The following TBC1D9 variants were observed in gnomAD, a reference collection of about 807,000 sequenced individuals.
The protein encoded by TBC1D9 is TBC1 domain family member 9A.
A neutral mutation model predicts 132.0 loss-of-function variants in TBC1D9; 63 were observed. The ratio of observed to expected loss-of-function variants is 0.48; its 90% CI spans 0.39 to 0.59. The LOEUF (loss-of-function observed/expected upper bound fraction) is 0.59. Ranked by LOEUF, TBC1D9 falls within the 20% of genes least tolerant of loss-of-function variation. The pLI is 0.00. For missense variants in TBC1D9, 1,261 were observed against 1,592.7 expected (o/e 0.79, Z 3.54); for synonymous variants, 610 against 609.9 (o/e 1.00, Z 0.00).
intron 16 of TBC1D9, among the ~76,000 whole-genome samples, chr4:140,630,328 C>T (rs550417621): frequency 1.3e-4 from 20 of 152,096 alleles, no homozygotes; most frequent in Middle Eastern, 3.2e-3. Flanking sequence ...TAAAAATTAA[C>T]TCTGATATTG....
chr4:140,629,088 G>A (rs1736754551), intron 16 of TBC1D9, among the ~76,000 whole-genome samples: 1 of 152,168 alleles, frequency 6.6e-6, no homozygotes, highest in Non-Finnish European at 1.5e-5. Context: ...GACCTTACGG[G>A]TTATCTTGTC....
intron 1 of TBC1D9, among the ~76,000 whole-genome samples, chr4:140,720,421 A>G (rs1403558273): frequency 2.0e-5 from 3 of 152,236 alleles, no homozygotes; most frequent in African/African-American, 7.2e-5. Flanking sequence ...AGATTTATTA[A>G]GCCCCTTCTT....
intron 1 of TBC1D9, among the ~76,000 whole-genome samples, chr4:140,728,307 G>A (rs1408357661): frequency 6.6e-6 from 1 of 151,756 alleles, no homozygotes; most frequent in Non-Finnish European, 1.5e-5. Flanking sequence ...AGTCAGGAAT[G>A]TTGGCCATAA....
chr4:140,714,143 C>T (rs994960827), intron 1 of TBC1D9, among the ~76,000 whole-genome samples: 7 of 152,138 alleles, frequency 4.6e-5, no homozygotes, highest in African/African-American at 1.4e-4. Context: ...AAGGCTAAAA[C>T]GTGGCCTAGG....
At position 140,622,784 on chromosome 4, in the gene TBC1D9, A is replaced by G. The variant is rs1254366842; in HGVS notation, c.3212T>C (p.Val1071Ala). ...LEIGEVGKLFVAQPAKEGGSG... is the reference protein window; with the variant it reads ...LEIGEVGKLFAAQPAKEGGSG... ...CCCGCCCTCCTTTGCAGGCTGGGCC[A>G]CGAACAACTTGCCGACCTCCCCAAT... The change falls in exon 21 of 21, where the codon GTG becomes GCG. Residue 1071 changes from valine (V) to alanine (A), a missense_variant. Transcript: ENST00000442267. The G allele has an allele frequency of 6.2e-7, 1 of 1,603,386 alleles. No homozygotes were observed. The highest frequency in any genetic ancestry group is 1.7e-5 in the Admixed American group (1 of 59,806).
intron 2 of TBC1D9, among the ~76,000 whole-genome samples, chr4:140,693,923 A>C (rs746295629): frequency 1.3e-5 from 2 of 152,190 alleles, no homozygotes; most frequent in Admixed American, 6.5e-5. Context: ...TAGGTAACTC[A>C]TTCAGCCTTG....
At chr4:140,629,280 G>A (rs77780415) in intron 16 of TBC1D9, among the ~76,000 whole-genome samples, 4,273 of 152,256 alleles carry the variant, frequency 0.028, 213 homozygotes, top group African/African-American at 0.098. Context: ...CTTAAAACCT[G>A]TAGTCTCAAC....
chr4:140,698,935 C>T (rs562866361), intron 2 of TBC1D9, among the ~76,000 whole-genome samples: 3 of 152,270 alleles, frequency 2.0e-5, no homozygotes, highest in Admixed American at 1.3e-4. Context: ...AACTGTAAGG[C>T]ACTGGTTCAC....
chr4:140,669,880 G>A, intron 7 of TBC1D9, 76 bp from the exon 8 acceptor site: 1 of 1,366,372 alleles, frequency 7.3e-7, no homozygotes. Flanking sequence ...CTTCTGTATG[G>A]TTATCAAAAG....
At chr4:140,644,080 G>A (rs926139827) in intron 13 of TBC1D9, 1 of 414,534 alleles carries the variant, frequency 2.4e-6, no homozygotes, top group Non-Finnish European at 4.6e-6. Context: ...CCATCAGCTG[G>A]GAGCAGCACA....
At chr4:140,720,868 T>C (rs1053728894) in intron 1 of TBC1D9, among the ~76,000 whole-genome samples, 30 of 152,246 alleles carry the variant, frequency 2.0e-4, no homozygotes, top group African/African-American at 7.2e-4. Context: ...GGGAACAACA[T>C]GACCCTTGTA....
At chr4:140,692,545 A>G (rs759943372) in intron 2 of TBC1D9, among the ~76,000 whole-genome samples, 19 of 152,352 alleles carry the variant, frequency 1.2e-4, no homozygotes, top group Non-Finnish European at 2.1e-4. Flanking sequence ...CAGAGAGGGC[A>G]AAAGACAAAA....
chr4:140,661,001 A>G lies in TBC1D9; in HGVS notation c.1803+892T>C, dbSNP rs568653668. Among the ~76,000 whole-genome samples, 10 of 150,660 alleles carry G rather than the reference A, an allele frequency of 6.6e-5. No homozygotes were observed. The South Asian group carries it at 1.1e-3, about 16-fold the overall frequency. ...ATGATCTCAGCTCATTGCAAGCTCC[A>G]CCTCCCGGGTTCAGGCCATTCTCCT... is the stretch of plus-strand genomic sequence containing the variant. On this transcript the variant is annotated intron_variant, in intron 10 of 20. Coordinates refer to ENST00000442267, the MANE Select transcript of TBC1D9 (RefSeq NM_015130.3).
At chr4:140,678,285 T>C (rs17418576) in intron 5 of TBC1D9, among the ~76,000 whole-genome samples, 17,817 of 152,248 alleles carry the variant, frequency 0.12, 1,302 homozygotes, top group Non-Finnish European at 0.16. Context: ...TTAGATGAGC[T>C]ACAGGCACCT....
rs113879724 is a variant in TBC1D9 at position 140,677,892 on chromosome 4, C to A, written c.852-791G>T. On this transcript the variant is annotated intron_variant, in intron 5 of 20. Coordinates refer to ENST00000442267, the MANE Select transcript of TBC1D9 (RefSeq NM_015130.3). Reference sequence around the variant, plus strand: ...TCCATGCTTTCTCTACAAAATATCACTTCTTAAATGATCAACTTTCTTATA... The same window carrying A: ...TCCATGCTTTCTCTACAAAATATCAATTCTTAAATGATCAACTTTCTTATA... Among the ~76,000 whole-genome samples, 5 of 152,260 alleles carry A rather than the reference C, an allele frequency of 3.3e-5. 1 individual carries two copies. The highest frequency in any genetic ancestry group is 1.2e-4 in the African/African-American group (5 of 41,556).
chr4:140,643,048 C>G, intron 13 of TBC1D9: 1 of 1,200,968 alleles, frequency 8.3e-7, no homozygotes, highest in Non-Finnish European at 1.2e-6. Context: ...TACATCCGCT[C>G]CTCCTTCTTG....
At chr4:140,716,000 T>G (rs1336317375) in intron 1 of TBC1D9, 1 of 152,200 alleles carries the variant, frequency 6.6e-6, no homozygotes, top group Non-Finnish European at 1.5e-5. Context: ...GGTTTGACTG[T>G]GCAAAACCAT....
At chr4:140,686,875 G>A (rs888523947) in intron 2 of TBC1D9, among the ~76,000 whole-genome samples, 1 of 152,044 alleles carries the variant, frequency 6.6e-6, no homozygotes, top group East Asian at 1.9e-4. Flanking sequence ...AACAATATGA[G>A]AGCTTTGGTA....
At chr4:140,691,892 A>C (rs1560887328) in intron 2 of TBC1D9, among the ~76,000 whole-genome samples, 2 of 152,236 alleles carry the variant, frequency 1.3e-5, no homozygotes, top group Non-Finnish European at 2.9e-5. Context: ...CATGAAGTCT[A>C]CTTGAAATAA....
Sources: gnomAD v4.1 joint callset for allele counts (sites outside exome capture counted in the v4.1 genomes callset) on GRCh38, gnomAD v4.1.1 for gene constraint, MANE v1.5 for transcripts, NCBI Gene and HGNC (gene_info 2026-07-23, HGNC 2026-07-21) for gene names.